DGKG: variants seen among roughly 807,000 people sequenced by gnomAD.
DGKG encodes diacylglycerol kinase gamma, also known as DAG kinase gamma.
In DGKG, 78 loss-of-function variants were observed where a neutral mutation model predicts 105.3. The ratio of observed to expected loss-of-function variants is 0.74; its 90% CI spans 0.62 to 0.89. DGKG has a LOEUF of 0.89. Ranked by LOEUF, DGKG falls within the 40% of genes least tolerant of loss-of-function variation. The pLI, the probability that DGKG is intolerant of heterozygous loss-of-function variation, is 0.00. For synonymous variants in DGKG, 346 were observed against 367.1 expected, an observed-to-expected ratio of 0.94 and a Z score of 0.66; for missense variants, 958 against 1,020.1, an observed-to-expected ratio of 0.94 and a Z score of 0.83.
At chr3:186,344,090 T>C (rs1185775956) in intron 1 of DGKG, among the ~76,000 whole-genome samples, 2 of 152,188 alleles carry the variant, frequency 1.3e-5, no homozygotes, top group Admixed American at 6.5e-5. Flanking sequence ...CCAAAACAGA[T>C]GCTAGTAAGG....
In DGKG at chr3:186,212,579, T is replaced by A. The variant is rs114566248; in HGVS notation, c.1827-694A>T. 2.5e-3 allele frequency among the ~76,000 whole-genome samples: 375 copies of A among 152,318 alleles called. 1 individual carries two copies. Among genetic ancestry groups the A allele is most frequent in the African/African-American group, 8.7e-3 (360 of 41,576 alleles). On this transcript the variant is annotated intron_variant, in intron 20 of 24. Coordinates refer to ENST00000265022, the MANE Select transcript of DGKG (RefSeq NM_001346.3). Reference sequence around the variant, plus strand: ...TTGCTTCAAAGTAAGAGTTCACTACTTTGAGCTTTAAAAATTTTCAGCATT... The same window carrying A: ...TTGCTTCAAAGTAAGAGTTCACTACATTGAGCTTTAAAAATTTTCAGCATT...
At chr3:186,177,939 TGA>T (rs1410216309) in intron 22 of DGKG, among the ~76,000 whole-genome samples, 1 of 150,700 alleles carries the variant, frequency 6.6e-6, no homozygotes, top group African/African-American at 2.5e-5. Flanking sequence ...ATTTCCAATA[TGA>T]TGGTATTTGG....
At chr3:186,188,970 A>G (rs1717777048) in intron 21 of DGKG, among the ~76,000 whole-genome samples, 1 of 152,054 alleles carries the variant, frequency 6.6e-6, no homozygotes, top group African/African-American at 2.4e-5. Context: ...ACCTGCCACC[A>G]TGCCTGGCTA....
At chr3:186,196,337 C>T in intron 21 of DGKG, among the ~76,000 whole-genome samples, 1 of 152,112 alleles carries the variant, frequency 6.6e-6, no homozygotes, top group South Asian at 2.1e-4. Context: ...CAGGGTTTCA[C>T]CATGTTGGTC....
At position 186,210,673 on chromosome 3, in the gene DGKG, A is replaced by G. The variant is rs1367174572; in HGVS notation, c.1917+1122T>C. ...GCAGGGAGGGGCAGGGCTTTCCTAC[A>G]CCACTCCAGGCCACAGGTGCCTCCT... On this transcript the variant is annotated intron_variant, in intron 21 of 24. Transcript: ENST00000265022. The surrounding 1 kb of genome is among the most constrained non-coding windows in gnomAD (Gnocchi z 5.2). 2.2e-6 allele frequency: 1 copy of G among 451,702 alleles called. No homozygotes were observed. Among genetic ancestry groups the G allele is most frequent in the Non-Finnish European group, 4.4e-6 (1 of 225,480 alleles). 28.0% of individuals were successfully genotyped at this position (451,702 alleles called of 1,614,324 possible).
chr3:186,262,899 C>G (rs1272845724), intron 14 of DGKG, among the ~76,000 whole-genome samples: 1 of 152,130 alleles, frequency 6.6e-6, no homozygotes. Context: ...GAGGCCGGGG[C>G]AGGAGCATCA....
intron 17 of DGKG, among the ~76,000 whole-genome samples, chr3:186,255,302 C>T (rs1861876): frequency 0.25 from 38,146 of 152,202 alleles, 5,633 homozygotes; most frequent in African/African-American, 0.41. Flanking sequence ...TGGTGCTTAC[C>T]GACTGTCCAG....
intron 1 of DGKG, among the ~76,000 whole-genome samples, chr3:186,340,309 C>T (rs1726028201): frequency 6.6e-6 from 1 of 152,094 alleles, no homozygotes; most frequent in African/African-American, 2.4e-5. Flanking sequence ...CATCTGCTTG[C>T]AGGGGTTAGG....
At chr3:186,355,309 C>T (rs1012655718) in intron 1 of DGKG, among the ~76,000 whole-genome samples, 6 of 26,630 alleles carry the variant, frequency 2.3e-4, no homozygotes, top group Non-Finnish European at 3.7e-4. Flanking sequence ...ATTGTCACCC[C>T]CCACCACCAC....
intron 13 of DGKG, 126 bp from the exon 14 acceptor site, chr3:186,265,432 G>T: frequency 1.2e-6 from 1 of 846,650 alleles, no homozygotes; most frequent in South Asian, 1.5e-5. Flanking sequence ...GTATGGAGAC[G>T]AGGTTTTCAA....
chr3:186,183,706 T>C (rs960836509), intron 22 of DGKG, among the ~76,000 whole-genome samples: 12 of 151,962 alleles, frequency 7.9e-5, no homozygotes, highest in African/African-American at 2.9e-4. Flanking sequence ...TTTCTTTCTT[T>C]CTTTTTTTTT....
chr3:186,202,811 T>G (rs1718538383), intron 21 of DGKG, among the ~76,000 whole-genome samples: 1 of 152,234 alleles, frequency 6.6e-6, no homozygotes, highest in Non-Finnish European at 1.5e-5. Flanking sequence ...GGGCCCCATC[T>G]ATTAAACATG....
intron 1 of DGKG, among the ~76,000 whole-genome samples, chr3:186,326,872 A>G (rs1725369662): frequency 6.6e-6 from 1 of 152,200 alleles, no homozygotes; most frequent in South Asian, 2.1e-4. Context: ...AGAAAGATAT[A>G]TTCAGCCAGG....
chr3:186,240,801 C>A (rs1251863838), intron 20 of DGKG, among the ~76,000 whole-genome samples: 3 of 79,962 alleles, frequency 3.8e-5, no homozygotes, highest in Non-Finnish European at 5.8e-5. Context: ...CAGAGCGAAA[C>A]TCCATGAAAA....
chr3:186,306,157 A>G (rs899048320), intron 3 of DGKG, among the ~76,000 whole-genome samples: 1 of 152,220 alleles, frequency 6.6e-6, no homozygotes, highest in African/African-American at 2.4e-5. Context: ...GACTGATGCA[A>G]GGCATTTCAA....
chr3:186,323,047 T>G (rs1339456771), intron 1 of DGKG, among the ~76,000 whole-genome samples: 1 of 152,232 alleles, frequency 6.6e-6, no homozygotes, highest in African/African-American at 2.4e-5. Context: ...AACAGCCTCC[T>G]GCTGCTCTCC....
At chr3:186,245,020 A>C (rs542398510) in intron 19 of DGKG, among the ~76,000 whole-genome samples, 9 of 150,584 alleles carry the variant, frequency 6.0e-5, no homozygotes, top group African/African-American at 2.3e-4. Context: ...GGAAAAAAAA[A>C]GTGGAGGGGG....
chr3:186,283,920 C>T (rs1355056213), intron 7 of DGKG, among the ~76,000 whole-genome samples: 1 of 152,198 alleles, frequency 6.6e-6, no homozygotes, highest in Non-Finnish European at 1.5e-5. Context: ...GCATCTCAAC[C>T]TCAGGGCCTT....
intron 22 of DGKG, among the ~76,000 whole-genome samples, chr3:186,171,858 T>G (rs945796949): frequency 6.6e-6 from 1 of 152,118 alleles, no homozygotes; most frequent in Non-Finnish European, 1.5e-5. Context: ...CCAGTTGCTT[T>G]TTTTTTTTCC....
Sources: gnomAD v4.1 joint callset for allele counts (sites outside exome capture counted in the v4.1 genomes callset) on GRCh38, gnomAD v4.1.1 for gene constraint, Gnocchi (gnomAD v3.1) non-coding constraint, MANE v1.5 for transcripts, NCBI Gene and HGNC (gene_info 2026-07-23, HGNC 2026-07-21) for gene names.